CACNA2D1: variants seen among roughly 807,000 people sequenced by gnomAD.
CACNA2D1 encodes calcium voltage-gated channel auxiliary subunit alpha2delta 1, also known as voltage-dependent calcium channel subunit alpha-2/delta-1.
Under a neutral mutation model 171.5 loss-of-function variants are expected in CACNA2D1, and 53 were observed. The observed-to-expected ratio is 0.31, with a 90% CI of 0.25 to 0.39. The LOEUF (loss-of-function observed/expected upper bound fraction) is 0.39. Ranked by LOEUF, CACNA2D1 falls within the 10% of genes least tolerant of loss-of-function variation. The pLI is 1.00. For synonymous variants in CACNA2D1, 442 were observed against 443.1 expected, an observed-to-expected ratio of 1.00 and a Z score of 0.03; for missense variants, 903 against 1,299.8, an observed-to-expected ratio of 0.69 and a Z score of 4.69.
intron 6 of CACNA2D1, among the ~76,000 whole-genome samples, chr7:82,099,419 CTTCTTTT>C (rs1812355044): frequency 5.9e-5 from 3 of 50,528 alleles, no homozygotes; most frequent in African/African-American, 1.2e-4. Flanking sequence ...GTAGCAATAC[CTTCTTTT>C]TTTTTTTTTT....
chr7:82,095,337 C>A (rs928760458), intron 6 of CACNA2D1, among the ~76,000 whole-genome samples: 19 of 152,098 alleles, frequency 1.2e-4, no homozygotes, highest in African/African-American at 4.3e-4. Context: ...TTTCTATATT[C>A]TTCTATTAAA....
At chr7:82,269,206 A>C (rs1808306527) in intron 3 of CACNA2D1, among the ~76,000 whole-genome samples, 1 of 152,110 alleles carries the variant, frequency 6.6e-6, no homozygotes, top group South Asian at 2.1e-4. Flanking sequence ...TCTCCTTGGT[A>C]GCTTCCTGCA....
intron 1 of CACNA2D1, among the ~76,000 whole-genome samples, chr7:82,414,423 C>T (rs1039005215): frequency 6.6e-6 from 1 of 152,170 alleles, no homozygotes; most frequent in African/African-American, 2.4e-5. Flanking sequence ...TCTGACCCCA[C>T]ACACATATTA....
intron 5 of CACNA2D1, among the ~76,000 whole-genome samples, chr7:82,125,132 C>T (rs1171727430): frequency 1.3e-5 from 2 of 152,036 alleles, no homozygotes; most frequent in African/African-American, 2.4e-5. Flanking sequence ...TAAATAGCAA[C>T]GTAAATATGC....
At chr7:82,012,782 C>T (rs1010728699) in intron 14 of CACNA2D1, among the ~76,000 whole-genome samples, 7 of 152,084 alleles carry the variant, frequency 4.6e-5, no homozygotes, top group Non-Finnish European at 8.8e-5. Flanking sequence ...TCAGTATTCA[C>T]GTCCACAAAT....
intron 3 of CACNA2D1, among the ~76,000 whole-genome samples, chr7:82,292,933 T>C (rs930053534): frequency 6.6e-6 from 1 of 152,054 alleles, no homozygotes; most frequent in African/African-American, 2.4e-5. Context: ...TATACAAATA[T>C]ATACACACAC....
At chr7:82,124,942 TAATTA>T (rs1790160833) in intron 5 of CACNA2D1, among the ~76,000 whole-genome samples, 1 of 152,208 alleles carries the variant, frequency 6.6e-6, no homozygotes, top group Non-Finnish European at 1.5e-5. Flanking sequence ...TTTTCTTTAA[TAATTA>T]GATTTCATTG....
At chr7:82,150,665 T>C (rs1793764318) in intron 4 of CACNA2D1, among the ~76,000 whole-genome samples, 3 of 152,154 alleles carry the variant, frequency 2.0e-5, no homozygotes, top group Admixed American at 6.5e-5. Context: ...AATTTCCCCA[T>C]TATGATATAA....
At chr7:82,017,726 T>G (rs1272043343) in intron 12 of CACNA2D1, among the ~76,000 whole-genome samples, 1 of 152,128 alleles carries the variant, frequency 6.6e-6, no homozygotes, top group Non-Finnish European at 1.5e-5. Flanking sequence ...TAAATTACCT[T>G]CTCAAAGATG....
At chr7:82,034,417 T>C (rs541188512) in intron 11 of CACNA2D1, among the ~76,000 whole-genome samples, 8 of 152,210 alleles carry the variant, frequency 5.3e-5, no homozygotes, top group African/African-American at 1.4e-4. Context: ...TTTCAGGTCA[T>C]CTCATTCCAT....
chr7:82,356,913 TC>T (rs1563420497), intron 1 of CACNA2D1, among the ~76,000 whole-genome samples: 1 of 152,136 alleles, frequency 6.6e-6, no homozygotes, highest in South Asian at 2.1e-4. Flanking sequence ...TCCTTCTCTG[TC>T]CCTTCAATAA....
chr7:82,432,909 G>C (rs1450521259), intron 1 of CACNA2D1, among the ~76,000 whole-genome samples: 1 of 152,136 alleles, frequency 6.6e-6, no homozygotes, highest in African/African-American at 2.4e-5. Flanking sequence ...ACATCGGCTG[G>C]GTGTCGCGGC....
At chr7:82,330,822 T>C (rs1817219831) in intron 3 of CACNA2D1, among the ~76,000 whole-genome samples, 1 of 152,100 alleles carries the variant, frequency 6.6e-6, no homozygotes, top group African/African-American at 2.4e-5. Context: ...GGTCAAAGGA[T>C]GTATTTATGT....
intron 17 of CACNA2D1, 82 bp from the exon 18 acceptor site, chr7:82,005,579 TA>T (rs1288973342): frequency 1.1e-6 from 1 of 931,074 alleles, no homozygotes; most frequent in Non-Finnish European, 1.7e-6. Flanking sequence ...CATAATGTAT[TA>T]AATACACATT....
intron 3 of CACNA2D1, among the ~76,000 whole-genome samples, chr7:82,315,031 G>T (rs1215031042): frequency 2.0e-5 from 3 of 149,500 alleles, no homozygotes; most frequent in Non-Finnish European, 4.4e-5. Flanking sequence ...AGCTACTCGG[G>T]AGGCTGAGGC....
chr7:82,111,171 T>G lies in CACNA2D1; in HGVS notation c.526+5873A>C, dbSNP rs931390281. ...TAGTTTTAATTAATAAAATTTCACT[T>G]GATGATTGACTGCTTCTGAGGTAAT... On this transcript the variant is annotated intron_variant, in intron 6 of 38. Transcript: ENST00000356860. Among the ~76,000 whole-genome samples, 8 of 150,668 alleles carry G rather than the reference T, an allele frequency of 5.3e-5. 1 individual carries two copies. Among genetic ancestry groups the G allele is most frequent in the Admixed American group, 1.3e-4 (2 of 15,080 alleles).
chr7:82,058,373 G>A (rs1365436452), intron 10 of CACNA2D1, among the ~76,000 whole-genome samples: 1 of 152,078 alleles, frequency 6.6e-6, no homozygotes. Context: ...ATTTCACCTA[G>A]ATGTCAAATC....
intron 5 of CACNA2D1, among the ~76,000 whole-genome samples, chr7:82,129,208 C>T (rs776903841): frequency 3.9e-5 from 6 of 152,174 alleles, no homozygotes; most frequent in Non-Finnish European, 8.8e-5. Flanking sequence ...CTTGAATATC[C>T]TTGAGCAAGT....
intron 24 of CACNA2D1, among the ~76,000 whole-genome samples, chr7:81,978,013 A>T (rs757105035): frequency 5.9e-5 from 9 of 152,252 alleles, no homozygotes; most frequent in Non-Finnish European, 1.2e-4. Context: ...TCATTACAGA[A>T]ATGCAAATCA....
Sources: allele counts gnomAD v4.1 joint callset (sites outside exome capture counted in the v4.1 genomes callset), GRCh38; gene constraint gnomAD v4.1.1; transcripts MANE v1.5; gene names NCBI Gene and HGNC (gene_info 2026-07-23, HGNC 2026-07-21).